Variants in TASOR2 observed in about 807,000 individuals in gnomAD.
The protein encoded by TASOR2 is transcription activation suppressor family member 2, also known as protein TASOR 2.
TASOR2 carries 84 observed loss-of-function variants against 199.5 expected under a neutral mutation model. The observed-to-expected ratio is 0.42, with a 90% CI of 0.35 to 0.50. TASOR2 has a LOEUF of 0.50. Ranked by LOEUF, TASOR2 falls within the 20% of genes least tolerant of loss-of-function variation. TASOR2 has a pLI of 0.02. For synonymous variants in TASOR2, 1,103 were observed against 1,046.6 expected (o/e 1.05, Z -1.04); for missense variants, 2,796 against 2,835.9 (o/e 0.99, Z 0.32).
chr10:5,689,524 C>T lies in TASOR2; in HGVS notation c.-288+4349C>T, dbSNP rs1392120384. ...CTGAGGCAGAAGAATTGCTTGAACTCGGGAGGCAGAGGTTGCAGTGAGCAG... is the reference window on the plus strand; with the variant it reads ...CTGAGGCAGAAGAATTGCTTGAACTTGGGAGGCAGAGGTTGCAGTGAGCAG... On this transcript the variant is annotated intron_variant, in intron 1 of 20. Transcript: ENST00000328090. The surrounding 1 kb of genome is among the most constrained non-coding windows in gnomAD (Gnocchi z 4.1). Among the ~76,000 whole-genome samples the T allele has an allele frequency of 2.0e-5, 3 of 152,022 alleles. No homozygotes were observed. Among genetic ancestry groups the T allele is most frequent in the Non-Finnish European group, 4.4e-5 (3 of 68,012 alleles).
In TASOR2 at chr10:5,742,619, A is replaced by T; in HGVS notation, c.2757+93A>T. ...TCACATTCAAAACAAGGCATTTTTA[A>T]ATTTTAGGACAGTGAATTCTCAAGG... On this transcript the variant is annotated intron_variant, in intron 14 of 20. Coordinates refer to ENST00000328090, the Ensembl canonical transcript of TASOR2. The surrounding 1 kb of genome is among the most constrained non-coding windows in gnomAD (Gnocchi z 4.2). 8.1e-7 allele frequency: 1 copy of T among 1,232,580 alleles called. No homozygotes were observed. Among genetic ancestry groups the T allele is most frequent in the Non-Finnish European group, 1.1e-6 (1 of 882,800 alleles). The allele number at this position is 1,232,580 out of a possible 1,614,324, so 76.4% of individuals were successfully genotyped here.
intron 1 of TASOR2, among the ~76,000 whole-genome samples, chr10:5,691,363 A>T (rs893265862): frequency 1.3e-5 from 2 of 152,214 alleles, no homozygotes; most frequent in Admixed American, 6.5e-5. Context: ...ATGTTAAAAC[A>T]ATCTTCAAAA....
chr10:5,742,590 A>G lies in TASOR2; in HGVS notation c.2757+64A>G, dbSNP rs1286102181. ...TTTGAAGAAAAAAATGTTTATATGT[A>G]AAATCACATTCAAAACAAGGCATTT... On this transcript the variant is annotated intron_variant, in intron 14 of 20. Transcript: ENST00000328090. This position sits in a 1 kb window ranked among gnomAD's most constrained non-coding sequence, Gnocchi z 4.2. 6.9e-7 allele frequency: 1 copy of G among 1,452,978 alleles called. No homozygotes were observed. The highest frequency in any genetic ancestry group is 2.2e-5 in the Admixed American group (1 of 46,058). 90.0% of individuals were successfully genotyped at this position (1,452,978 alleles called of 1,614,324 possible). A position where few individuals can be genotyped will look rare whatever the true frequency, so the allele number is the denominator to read the frequency against.
intron 2 of TASOR2, among the ~76,000 whole-genome samples, chr10:5,716,082 TCAGG>T (rs1832594909): frequency 6.6e-6 from 1 of 152,212 alleles, no homozygotes; most frequent in African/African-American, 2.4e-5. Context: ...ACGGAATACT[TCAGG>T]CAGTTATAAA....
rs1221566332 is a variant in TASOR2, at chr10:5,742,158, G to T, written c.2389G>T (p.Val797Leu). 7 of 1,614,124 alleles carry T rather than the reference G, an allele frequency of 4.3e-6. No homozygotes were observed. Among genetic ancestry groups the T allele is most frequent in the Non-Finnish European group, 5.9e-6 (7 of 1,180,010 alleles). ...AGTGAAGCTTTTACTTCATATGTGG[G>T]TAGCTCTGTTTTACAGCAATCAGAA... The change falls in exon 14 of 21, where the codon GTA becomes TTA. Residue 797 changes from valine to leucine, a missense_variant. By Grantham distance (32) the Val-to-Leu change is conservative. This residue lies in a region of TASOR2 where 1,941 missense variants were observed against 1,924.9 expected (regional missense o/e 1.01). Coordinates refer to ENST00000328090, the Ensembl canonical transcript of TASOR2. The surrounding 1 kb of genome is among the most constrained non-coding windows in gnomAD (Gnocchi z 4.2).
In TASOR2 at chr10:5,742,728, G is replaced by A. The variant is rs1335045593; in HGVS notation, c.2757+202G>A. On this transcript the variant is annotated intron_variant, in intron 14 of 20. Coordinates refer to ENST00000328090, the Ensembl canonical transcript of TASOR2. The surrounding 1 kb of genome is among the most constrained non-coding windows in gnomAD (Gnocchi z 4.2). Reference sequence around the variant, plus strand: ...GCAGGTAGAGCTTACCTGCCATCCCGATTGAAAAAAACCAGAGTAGAAAAA... The same window carrying A: ...GCAGGTAGAGCTTACCTGCCATCCCAATTGAAAAAAACCAGAGTAGAAAAA... Among the ~76,000 whole-genome samples the A allele has an allele frequency of 6.6e-6, 1 of 152,006 alleles. No homozygotes were observed. Among genetic ancestry groups the A allele is most frequent in the Admixed American group, 6.6e-5 (1 of 15,244 alleles).
chr10:5,753,148 C>A (rs1320940048), intron 15 of TASOR2, among the ~76,000 whole-genome samples: 1 of 151,984 alleles, frequency 6.6e-6, no homozygotes, highest in African/African-American at 2.4e-5. Flanking sequence ...GATATCTTAG[C>A]GGATGGAGAA....
intron 16 of TASOR2, 138 bp downstream of exon 17, chr10:5,756,876 G>A (rs1839034713): frequency 2.3e-6 from 2 of 861,382 alleles, no homozygotes; most frequent in South Asian, 1.9e-5. Context: ...GGAAGATGGT[G>A]TATTATAGAA....
chr10:5,753,508 G>T (rs924853794), intron 15 of TASOR2, among the ~76,000 whole-genome samples: 1 of 152,076 alleles, frequency 6.6e-6, no homozygotes, highest in African/African-American at 2.4e-5. Flanking sequence ...GACTACAGGC[G>T]CCCGCCACCA....
intron 15 of TASOR2, among the ~76,000 whole-genome samples, 168 bp from the exon 17 acceptor site, chr10:5,756,445 C>A (rs546667755): frequency 6.6e-6 from 1 of 152,100 alleles, no homozygotes; most frequent in Admixed American, 6.5e-5. Flanking sequence ...GTTAACAATA[C>A]CTGATTCATT....
chr10:5,760,511 G>C (rs1266391179), intron 18 of TASOR2, among the ~76,000 whole-genome samples: 1 of 152,166 alleles, frequency 6.6e-6, no homozygotes, highest in African/African-American at 2.4e-5. Flanking sequence ...ATCTCTAGGA[G>C]GGAGATATGC....
chr10:5,707,653 T>TC (rs1491429209), intron 1 of TASOR2, among the ~76,000 whole-genome samples: 2 of 140,306 alleles, frequency 1.4e-5, no homozygotes, highest in East Asian at 2.1e-4. Flanking sequence ...TCTCATTCTC[T>TC]TTCTCTCTCT....
chr10:5,762,922 T>A (rs963321414), intron 20 of TASOR2, 107 bp from the exon 22 acceptor site: 1 of 1,027,904 alleles, frequency 9.7e-7, no homozygotes, highest in Middle Eastern at 2.2e-4. Flanking sequence ...GAACATAATG[T>A]AACCTTAGAA....
chr10:5,712,586 A>AG, intron 1 of TASOR2: 1 of 1,227,070 alleles, frequency 8.1e-7, no homozygotes, highest in Non-Finnish European at 1.0e-6. Context: ...TAGTTTTAAA[A>AG]GAGGTAAACC....
At chr10:5,693,571 T>C (rs1346048035) in intron 1 of TASOR2, among the ~76,000 whole-genome samples, 1 of 152,178 alleles carries the variant, frequency 6.6e-6, no homozygotes, top group African/African-American at 2.4e-5. Flanking sequence ...ATTTTCTTCA[T>C]TTAAAAAAAA....
exon 21 of TASOR2, chr10:5,763,120 T>C (rs900680534): frequency 3.2e-6 from 4 of 1,260,894 alleles, no homozygotes; most frequent in Non-Finnish European, 1.1e-6. Flanking sequence ...TGAATACACA[T>C]GTGAACAGTC....
intron 2 of TASOR2, among the ~76,000 whole-genome samples, 178 bp downstream of exon 2, chr10:5,713,096 T>C: frequency 6.6e-6 from 1 of 152,222 alleles, no homozygotes; most frequent in East Asian, 1.9e-4. Flanking sequence ...ATTTGATTTC[T>C]ACAACTTTTC....
At chr10:5,693,835 A>G (rs1836794144) in intron 1 of TASOR2, among the ~76,000 whole-genome samples, 1 of 152,252 alleles carries the variant, frequency 6.6e-6, no homozygotes, top group South Asian at 2.1e-4. Context: ...ATATTTGATT[A>G]TCTACTGTGG....
chr10:5,746,768 C>G, exon 15 of TASOR2: 1 of 1,614,172 alleles, frequency 6.2e-7, no homozygotes, highest in South Asian at 1.1e-5. Context: ...CTAGTAGTTG[C>G]AGGACAGAAG....
Sources: gnomAD v4.1 joint callset for allele counts (sites outside exome capture counted in the v4.1 genomes callset) on GRCh38, gnomAD v4.1.1 for gene constraint, gnomAD v4.1.1 regional missense constraint, Gnocchi (gnomAD v3.1) non-coding constraint, MANE v1.5 for transcripts, NCBI Gene and HGNC (gene_info 2026-07-23, HGNC 2026-07-21) for gene names.